Variants in IL1RAPL1 observed in about 807,000 individuals in gnomAD.
IL1RAPL1 encodes interleukin 1 receptor accessory protein like 1, also known as interleukin-1 receptor accessory protein-like 1.
In IL1RAPL1, 3 loss-of-function variants were observed where a neutral mutation model predicts 48.4. That is an observed-to-expected ratio of 0.06 (90% CI 0.03 to 0.16). The LOEUF is 0.16. Among genes scored for constraint, IL1RAPL1 ranks in the 10% least tolerant of loss-of-function variants. The pLI is 1.00. For synonymous variants in IL1RAPL1, 185 were observed against 187.7 expected (o/e 0.99, Z 0.12); for missense variants, 349 against 530.6 (o/e 0.66, Z 3.36).
At chrX:28,875,843 T>C (rs1453266023) in intron 2 of IL1RAPL1, among the ~76,000 whole-genome samples, 1 of 111,977 alleles carries the variant, frequency 8.9e-6, no homozygotes, top group African/African-American at 3.2e-5. Flanking sequence ...ACAGAATCGT[T>C]TGGCAAGAGT....
chrX:29,841,289 A>G (rs1172780433), intron 6 of IL1RAPL1, among the ~76,000 whole-genome samples: 1 of 112,305 alleles, frequency 8.9e-6, no homozygotes, highest in East Asian at 2.8e-4. Flanking sequence ...CATGACAAAG[A>G]ATATTATAGG....
chrX:29,442,223 T>G (rs1397210749), intron 5 of IL1RAPL1, among the ~76,000 whole-genome samples: 2 of 111,433 alleles, frequency 1.8e-5, no homozygotes, highest in African/African-American at 6.5e-5. Context: ...CATAGACCAA[T>G]GGAACAGAAT....
At chrX:28,904,303 T>C (rs1923160674) in intron 2 of IL1RAPL1, among the ~76,000 whole-genome samples, 1 of 111,863 alleles carries the variant, frequency 8.9e-6, no homozygotes, top group Non-Finnish European at 1.9e-5. Flanking sequence ...GGTCTGAATA[T>C]CCAGATTAAA....
intron 2 of IL1RAPL1, among the ~76,000 whole-genome samples, chrX:28,895,871 A>G (rs1476133519): frequency 1.8e-5 from 2 of 112,146 alleles, no homozygotes; most frequent in Non-Finnish European, 3.8e-5. Flanking sequence ...TAAGCCGAGA[A>G]GATCTGGGAA....
In IL1RAPL1 at chrX:28,667,863, C is replaced by G. The variant is rs760578988; in HGVS notation, c.-25+79816C>G. Among the ~76,000 whole-genome samples, 5 of 111,443 alleles carry G rather than the reference C, an allele frequency of 4.5e-5. No individual in the cohort carries two copies. In the South Asian group the frequency reaches 1.5e-3, roughly 34 times the overall value. On this transcript the variant is annotated intron_variant, in intron 1 of 10. Coordinates refer to ENST00000378993, the MANE Select transcript of IL1RAPL1 (RefSeq NM_014271.4). ...CTCTGGGGTCTCTTTTGTAAGGGCA[C>G]TAATCCCATTCATGAGGGTTCTACC...
At chrX:28,655,635 T>C (rs1271365979) in intron 1 of IL1RAPL1, among the ~76,000 whole-genome samples, 4 of 112,033 alleles carry the variant, frequency 3.6e-5, no homozygotes, top group Non-Finnish European at 7.5e-5. Flanking sequence ...AAATTTCTAA[T>C]GGGAACTGAC....
At chrX:29,360,623 A>T (rs983881089) in intron 3 of IL1RAPL1, among the ~76,000 whole-genome samples, 3 of 111,903 alleles carry the variant, frequency 2.7e-5, no homozygotes, top group Non-Finnish European at 5.6e-5. Flanking sequence ...TATTTTGGTC[A>T]AAATAAATTT....
At chrX:29,415,406 T>G (rs1022569244) in intron 5 of IL1RAPL1, among the ~76,000 whole-genome samples, 9 of 110,918 alleles carry the variant, frequency 8.1e-5, no homozygotes, top group Non-Finnish European at 1.5e-4. Context: ...GATAGAGAAT[T>G]ATTAACCATT....
At chrX:29,279,801 T>C (rs1046425980) in intron 2 of IL1RAPL1, among the ~76,000 whole-genome samples, 1 of 112,335 alleles carries the variant, frequency 8.9e-6, no homozygotes, top group African/African-American at 3.2e-5. Flanking sequence ...AGAAAGCATA[T>C]TCTGAAAGTG....
chrX:28,606,710 AATAAG>A (rs774799234), intron 1 of IL1RAPL1, among the ~76,000 whole-genome samples: 86 of 112,007 alleles, frequency 7.7e-4, no homozygotes, highest in African/African-American at 2.6e-3. Context: ...AAAATATCAC[AATAAG>A]ATGATTTATA....
chrX:29,527,920 C>G (rs1416974427), intron 5 of IL1RAPL1, among the ~76,000 whole-genome samples: 1 of 111,642 alleles, frequency 9.0e-6, no homozygotes, highest in Non-Finnish European at 1.9e-5. Flanking sequence ...ATTGCTTTCA[C>G]TAACAATAAG....
intron 1 of IL1RAPL1, among the ~76,000 whole-genome samples, chrX:28,727,911 G>A (rs1325247938): frequency 9.3e-6 from 1 of 108,077 alleles, no homozygotes; most frequent in Non-Finnish European, 1.9e-5. Flanking sequence ...CACACTCTGG[G>A]GACTGTTGTG....
chrX:28,710,944 A>G (rs986057781), intron 1 of IL1RAPL1, among the ~76,000 whole-genome samples: 1 of 111,648 alleles, frequency 9.0e-6, no homozygotes, highest in African/African-American at 3.3e-5. Flanking sequence ...GTCACTTGTT[A>G]TGATTTGGCT....
In IL1RAPL1 at chrX:28,730,164, C is replaced by G. The variant is rs530469560; in HGVS notation, c.-24-59156C>G. On this transcript the variant is annotated intron_variant, in intron 1 of 10. Transcript: ENST00000378993. The stretch of plus-strand genomic sequence containing the variant: ...GCTGAAGTTTGTATTGCTCTCTCAT[C>G]TATTCCTTGAAGAACTTTAATATTG... Among the ~76,000 whole-genome samples, 9 of 111,552 alleles carry G rather than the reference C, an allele frequency of 8.1e-5. No individual in the cohort carries two copies. In the South Asian group the frequency reaches 3.4e-3, roughly 42 times the overall value.
chrX:29,218,158 A>G (rs973160156), intron 2 of IL1RAPL1, among the ~76,000 whole-genome samples: 3 of 111,916 alleles, frequency 2.7e-5, no homozygotes, highest in Non-Finnish European at 5.6e-5. Context: ...ATTATGCTGA[A>G]GTATACATGA....
At chrX:29,157,398 G>A (rs145480100) in intron 2 of IL1RAPL1, among the ~76,000 whole-genome samples, 1,484 of 111,598 alleles carry the variant, frequency 0.013, 23 homozygotes, top group African/African-American at 0.045. Flanking sequence ...AAGTAATTCA[G>A]TAATAAGGGA....
chrX:28,934,709 T>A (rs1923971951), intron 2 of IL1RAPL1, among the ~76,000 whole-genome samples: 1 of 112,385 alleles, frequency 8.9e-6, no homozygotes, highest in Non-Finnish European at 1.9e-5. Flanking sequence ...AAAACATTTA[T>A]CAGTACTTCA....
rs1389919498 is a variant in IL1RAPL1, at chrX:29,556,321, G to C, written c.704-112109G>C. Reference sequence around the variant, plus strand: ...AAAACAAGAGTTACACATTTAAGTAGGTTAATATCAACTGAGAAACTCTTA... The same window carrying C: ...AAAACAAGAGTTACACATTTAAGTACGTTAATATCAACTGAGAAACTCTTA... On this transcript the variant is annotated intron_variant, in intron 5 of 10. Transcript: ENST00000378993. Among the ~76,000 whole-genome samples, 7 of 112,049 alleles carry C rather than the reference G, an allele frequency of 6.2e-5. No individual in the cohort carries two copies. The East Asian group carries it at 1.9e-3, about 31-fold the overall frequency.
intron 3 of IL1RAPL1, among the ~76,000 whole-genome samples, chrX:29,322,551 C>T (rs1357329860): frequency 8.9e-6 from 1 of 112,413 alleles, no homozygotes; most frequent in African/African-American, 3.2e-5. Context: ...AGGCATGAGC[C>T]ACCACGCCCG....
Sources: gnomAD v4.1 joint callset for allele counts (sites outside exome capture counted in the v4.1 genomes callset) on GRCh38, gnomAD v4.1.1 for gene constraint, MANE v1.5 for transcripts, NCBI Gene and HGNC (gene_info 2026-07-23, HGNC 2026-07-21) for gene names.